The following DMD variants were observed in gnomAD, a reference collection of about 807,000 sequenced individuals.
DMD encodes mutant dystrophin.
In DMD, 63 loss-of-function variants were observed where a neutral mutation model predicts 330.1. That is an observed-to-expected ratio of 0.19 (90% CI 0.16 to 0.24). The LOEUF (loss-of-function observed/expected upper bound fraction) is 0.24, where lower values mean the gene tolerates loss of function less well. Ranked by LOEUF, DMD falls within the 10% of genes least tolerant of loss-of-function variation. The pLI, the probability that DMD is intolerant of heterozygous loss-of-function variation, is 1.00. For synonymous variants in DMD, 1,223 were observed against 959.8 expected (o/e 1.27, Z -5.07); for missense variants, 3,344 against 2,684.1 (o/e 1.25, Z -5.43).
At chrX:31,625,096 C>A (rs2078767788) in intron 55 of DMD, among the ~76,000 whole-genome samples, 1 of 111,979 alleles carries the variant, frequency 8.9e-6, no homozygotes, top group African/African-American at 3.2e-5. Context: ...CATTATCCAA[C>A]CATCTAACTA....
intron 2 of DMD, among the ~76,000 whole-genome samples, chrX:32,981,214 G>C (rs962155746): frequency 8.9e-6 from 1 of 111,777 alleles, no homozygotes; most frequent in African/African-American, 3.2e-5. Flanking sequence ...ATTCTTTAGA[G>C]TTTGCTTATT....
intron 44 of DMD, among the ~76,000 whole-genome samples, chrX:32,187,291 C>T (rs183458413): frequency 8.1e-5 from 9 of 110,623 alleles, no homozygotes; most frequent in Admixed American, 1.9e-4. Context: ...TTATAATTGC[C>T]CAGACCATAC....
At chrX:32,815,514 T>TACACACACACACACAC (rs761584148) in intron 6 of DMD, among the ~76,000 whole-genome samples, 20 of 62,935 alleles carry the variant, frequency 3.2e-4, no homozygotes, top group African/African-American at 1.3e-3. Flanking sequence ...TATATATATA[T>TACACACACACACACAC]ATATATACAC....
At chrX:31,328,916 G>A (rs933552796) in intron 61 of DMD, among the ~76,000 whole-genome samples, 46 of 112,288 alleles carry the variant, frequency 4.1e-4, no homozygotes, top group Non-Finnish European at 6.8e-4. Context: ...TGTGCCACAT[G>A]TAGTATAAAG....
chrX:32,465,455 T>C (rs895461090), intron 23 of DMD, among the ~76,000 whole-genome samples: 4 of 111,308 alleles, frequency 3.6e-5, no homozygotes, highest in Admixed American at 9.6e-5. Flanking sequence ...TTAATAATAA[T>C]TTTTAAACTA....
Position 32,685,203 on chromosome X carries a change from A to G in DMD, c.960+12667T>C, listed in dbSNP as rs563875778. On this transcript the variant is annotated intron_variant, in intron 9 of 78. Transcript: ENST00000357033. The stretch of plus-strand genomic sequence containing the variant: ...GTACCAAATAGTTAAAATGACTTTA[A>G]TCACCTAGCTCACCTGAAATTTAAA... Among the ~76,000 whole-genome samples the G allele has an allele frequency of 3.6e-5, 4 of 111,512 alleles. No individual in the cohort carries two copies. In the South Asian group the frequency reaches 1.5e-3, roughly 42 times the overall value.
intron 55 of DMD, among the ~76,000 whole-genome samples, chrX:31,564,994 T>G (rs1234576423): frequency 2.7e-5 from 3 of 112,369 alleles, no homozygotes; most frequent in Non-Finnish European, 5.6e-5. Context: ...AACAGTAAAA[T>G]AACAAATGAG....
At chrX:31,317,574 G>A (rs763587975) in intron 62 of DMD, among the ~76,000 whole-genome samples, 13 of 103,232 alleles carry the variant, frequency 1.3e-4, no homozygotes, top group South Asian at 9.4e-4. Flanking sequence ...GTGCAGTGGC[G>A]CGATCTCGTC....
chrX:32,657,410 C>A (rs2060651918), intron 9 of DMD, among the ~76,000 whole-genome samples: 2 of 112,106 alleles, frequency 1.8e-5, no homozygotes, highest in South Asian at 7.3e-4. Flanking sequence ...TTAGATGGCA[C>A]ATGAAAGACG....
intron 2 of DMD, among the ~76,000 whole-genome samples, chrX:32,910,888 T>A (rs966799425): frequency 1.2e-4 from 14 of 112,302 alleles, no homozygotes; most frequent in African/African-American, 4.5e-4. Flanking sequence ...GTCTTAGAGC[T>A]CTTTCAATTA....
intron 11 of DMD, among the ~76,000 whole-genome samples, chrX:32,639,665 A>G (rs1602412082): frequency 8.9e-6 from 1 of 112,441 alleles, no homozygotes; most frequent in East Asian, 2.8e-4. Context: ...CAAGGAAAGA[A>G]TCAAATGAGA....
At chrX:32,508,935 T>C (rs1007481602) in intron 18 of DMD, among the ~76,000 whole-genome samples, 12 of 110,254 alleles carry the variant, frequency 1.1e-4, no homozygotes, top group African/African-American at 1.7e-4. Context: ...CTCAGCCTCC[T>C]GAGTAGCTGG....
intron 44 of DMD, among the ~76,000 whole-genome samples, chrX:32,211,126 G>C (rs188075765): frequency 1.3e-3 from 146 of 112,009 alleles, no homozygotes; most frequent in African/African-American, 4.5e-3. Context: ...CAAAGCACCA[G>C]TGTGCTCTTT....
At chrX:32,007,276 A>G (rs1222324004) in intron 44 of DMD, among the ~76,000 whole-genome samples, 1 of 108,563 alleles carries the variant, frequency 9.2e-6, no homozygotes, top group Non-Finnish European at 1.9e-5. Context: ...ACAGAAAGAC[A>G]CACAAAGAAG....
At chrX:33,293,279 G>A (rs985778134) in intron 1 of DMD, among the ~76,000 whole-genome samples, 1 of 111,275 alleles carries the variant, frequency 9.0e-6, no homozygotes. Context: ...AGCTACAAGT[G>A]ACAGAAAATC....
intron 18 of DMD, among the ~76,000 whole-genome samples, chrX:32,508,737 C>A (rs1320935238): frequency 2.7e-5 from 3 of 111,909 alleles, no homozygotes; most frequent in African/African-American, 9.7e-5. Flanking sequence ...TAAGACTATA[C>A]CCGACAAACT....
chrX:32,951,061 AAT>A (rs1470071296), intron 2 of DMD, among the ~76,000 whole-genome samples: 2 of 111,617 alleles, frequency 1.8e-5, no homozygotes, highest in African/African-American at 6.5e-5. Flanking sequence ...AAACTGAGAA[AAT>A]CATCAGTCCA....
At chrX:32,382,188 T>C (rs1187168605) in intron 33 of DMD, among the ~76,000 whole-genome samples, 3 of 111,644 alleles carry the variant, frequency 2.7e-5, no homozygotes, top group Admixed American at 9.5e-5. Context: ...AAATAAAACA[T>C]GGACAAGATT....
At chrX:31,146,542 A>T (rs2036721476) in intron 75 of DMD, 128 bp from the exon 76 acceptor site, 4 of 663,382 alleles carry the variant, frequency 6.0e-6, no homozygotes, top group Non-Finnish European at 2.4e-6. Context: ...CCTCCCAAAG[A>T]TTGTTTAATT....
Sources: allele counts gnomAD v4.1 joint callset (sites outside exome capture counted in the v4.1 genomes callset), GRCh38; gene constraint gnomAD v4.1.1; transcripts MANE v1.5; gene names NCBI Gene and HGNC (gene_info 2026-07-23, HGNC 2026-07-21).